Variants in COL14A1 observed in about 807,000 individuals in gnomAD.
COL14A1 encodes collagen alpha-1(XIV) chain.
A neutral mutation model predicts 230.3 loss-of-function variants in COL14A1; 136 were observed. The observed-to-expected ratio is 0.59, with a 90% CI of 0.51 to 0.68. The LOEUF (loss-of-function observed/expected upper bound fraction) is 0.68. Ranked by LOEUF, COL14A1 falls within the 30% of genes least tolerant of loss-of-function variation. COL14A1 has a pLI of 0.00. For synonymous variants in COL14A1, 792 were observed against 784.1 expected (o/e 1.01, Z -0.17); for missense variants, 1,976 against 2,215.8 (o/e 0.89, Z 2.17).
intron 8 of COL14A1, among the ~76,000 whole-genome samples, 156 bp downstream of exon 8, chr8:120,199,722 G>C (rs973043172): frequency 1.3e-4 from 19 of 151,778 alleles, no homozygotes; most frequent in African/African-American, 4.6e-4. Flanking sequence ...TCTGAGCCCA[G>C]CTTCCTTACA....
chr8:120,131,162 G>C (rs963702893), intron 1 of COL14A1, among the ~76,000 whole-genome samples: 1 of 152,156 alleles, frequency 6.6e-6, no homozygotes, highest in Non-Finnish European at 1.5e-5. Flanking sequence ...TTATTGTGAA[G>C]AGTGCTGTGA....
At chr8:120,131,527 A>G (rs1814523995) in intron 1 of COL14A1, among the ~76,000 whole-genome samples, 4 of 152,102 alleles carry the variant, frequency 2.6e-5, no homozygotes, top group Admixed American at 2.6e-4. Context: ...ATATCCGCTC[A>G]TGCCCTTTGC....
At chr8:120,194,483 T>G (rs531765041) in intron 5 of COL14A1, among the ~76,000 whole-genome samples, 1 of 152,270 alleles carries the variant, frequency 6.6e-6, no homozygotes, top group South Asian at 2.1e-4. Context: ...GATGACCAAC[T>G]TAAACATTTT....
intron 4 of COL14A1, among the ~76,000 whole-genome samples, chr8:120,166,438 A>G (rs1586731287): frequency 6.6e-6 from 1 of 152,154 alleles, no homozygotes; most frequent in African/African-American, 2.4e-5. Context: ...TGTCTTGTCA[A>G]TCTTTGCCTG....
chr8:120,267,240 A>G (rs1819525218), intron 25 of COL14A1, among the ~76,000 whole-genome samples: 2 of 151,918 alleles, frequency 1.3e-5, no homozygotes, highest in South Asian at 4.2e-4. Context: ...TGTCTCTTTC[A>G]GTCGTTTTTT....
intron 45 of COL14A1, among the ~76,000 whole-genome samples, chr8:120,349,326 T>C (rs7812920): frequency 0.45 from 65,593 of 144,422 alleles, 15,544 homozygotes; most frequent in African/African-American, 0.6. Context: ...AAAATCAGAG[T>C]GCCTCTCCTC....
chr8:120,188,434 A>G (rs1816713811), intron 5 of COL14A1, among the ~76,000 whole-genome samples: 1 of 152,232 alleles, frequency 6.6e-6, no homozygotes. Flanking sequence ...ATGTTAAGAA[A>G]TCGCTAGTTC....
chr8:120,226,570 G>A, intron 15 of COL14A1, 57 bp from the exon 16 acceptor site: 2 of 1,597,870 alleles, frequency 1.3e-6, no homozygotes, highest in Non-Finnish European at 1.7e-6. Flanking sequence ...AGATACTTGG[G>A]TTTTGGCTTT....
chr8:120,166,929 A>G lies in COL14A1; in HGVS notation c.350-1232A>G, dbSNP rs60894320. Among the ~76,000 whole-genome samples the G allele has an allele frequency of 4.9e-3, 481 of 97,742 alleles. 2 individuals carry two copies. Among genetic ancestry groups the G allele is most frequent in the African/African-American group, 0.016 (433 of 27,466 alleles). 64.1% of individuals were successfully genotyped at this position (97,742 alleles called of 152,430 possible). A position where few individuals can be genotyped will look rare whatever the true frequency, so the allele number is the denominator to read the frequency against. On this transcript the variant is annotated intron_variant, in intron 4 of 47. Coordinates refer to ENST00000297848, the MANE Select transcript of COL14A1 (RefSeq NM_021110.4). ...GTGTGTGTGTGTGTGTGTGGTGGTG[A>G]TGATGGTGGTGGTGGGGGTGCTCCA... is the stretch of plus-strand genomic sequence containing the variant.
At chr8:120,223,291 A>G (rs539880257) in intron 14 of COL14A1, among the ~76,000 whole-genome samples, 20 of 152,364 alleles carry the variant, frequency 1.3e-4, no homozygotes, top group Non-Finnish European at 2.6e-4. Flanking sequence ...TTACTTTGCC[A>G]TGAGCAAACA....
intron 21 of COL14A1, among the ~76,000 whole-genome samples, chr8:120,249,151 C>G: frequency 6.7e-6 from 1 of 149,826 alleles, no homozygotes; most frequent in African/African-American, 2.5e-5. Flanking sequence ...ATCTCCTGAC[C>G]TCGTGATCCA....
chr8:120,261,219 T>C (rs1819314817), intron 23 of COL14A1, among the ~76,000 whole-genome samples: 1 of 152,288 alleles, frequency 6.6e-6, no homozygotes. Context: ...CCCCAAAATA[T>C]GTACAACTAT....
At chr8:120,255,630 T>C (rs1267501297) in intron 23 of COL14A1, among the ~76,000 whole-genome samples, 1 of 152,208 alleles carries the variant, frequency 6.6e-6, no homozygotes, top group Non-Finnish European at 1.5e-5. Flanking sequence ...ATATTCCACA[T>C]AAAGCACTTG....
intron 22 of COL14A1, among the ~76,000 whole-genome samples, chr8:120,252,568 T>A (rs950759103): frequency 2.0e-5 from 3 of 152,202 alleles, no homozygotes; most frequent in African/African-American, 7.2e-5. Context: ...TACTTGTTAG[T>A]GTGGCCTTGG....
intron 4 of COL14A1, among the ~76,000 whole-genome samples, chr8:120,163,723 A>G (rs1815769960): frequency 6.6e-6 from 1 of 152,212 alleles, no homozygotes; most frequent in Non-Finnish European, 1.5e-5. Flanking sequence ...AGATTGCGCC[A>G]TCGCCCTCCA....
intron 44 of COL14A1, among the ~76,000 whole-genome samples, chr8:120,343,718 G>A (rs955570692): frequency 6.6e-6 from 1 of 152,178 alleles, no homozygotes; most frequent in Non-Finnish European, 1.5e-5. Flanking sequence ...AACTGTTTAA[G>A]TTTAATGGCA....
chr8:120,134,452 A>G (rs1814644350), intron 1 of COL14A1, among the ~76,000 whole-genome samples: 1 of 152,150 alleles, frequency 6.6e-6, no homozygotes, highest in African/African-American at 2.4e-5. Context: ...TTTCATTTAC[A>G]TCAAAATAAG....
chr8:120,270,118 A>T lies in COL14A1; in HGVS notation c.3157A>T (p.Ser1053Cys), dbSNP rs777020070. Residue 1053 changes from serine (S) to cysteine (C), a missense_variant, in exon 26 of 48, where the codon AGC (serine) becomes TGC (cysteine). Ser to Cys is a moderately radical substitution (Grantham distance 112, BLOSUM62 -1). Transcript: ENST00000297848. Reference sequence around the variant, plus strand: ...AGATGAAAATTTCAATAAGATCATCAGCTTTCTATACAGCACTGTTGGAGC... The same window carrying T: ...AGATGAAAATTTCAATAAGATCATCTGCTTTCTATACAGCACTGTTGGAGC... ...IGDENFNKII[S>C]FLYSTVGALN... 1.2e-5 allele frequency: 20 copies of T among 1,611,652 alleles called. No homozygotes were observed. In the South Asian group the frequency reaches 2.2e-4, roughly 18 times the overall value.
At chr8:120,272,572 A>C (rs1034221656) in intron 26 of COL14A1, among the ~76,000 whole-genome samples, 11 of 151,756 alleles carry the variant, frequency 7.2e-5, no homozygotes, top group Non-Finnish European at 1.3e-4. Flanking sequence ...AAGGATTTGT[A>C]TAAACTCAAA....
Sources: gnomAD v4.1 joint callset for allele counts (sites outside exome capture counted in the v4.1 genomes callset) on GRCh38, gnomAD v4.1.1 for gene constraint, MANE v1.5 for transcripts, NCBI Gene and HGNC (gene_info 2026-07-23, HGNC 2026-07-21) for gene names.